The following NUP133 variants were observed in gnomAD, a reference collection of about 807,000 sequenced individuals.
NUP133 encodes the protein nucleoporin 133.
NUP133 carries 66 observed loss-of-function variants against 146.2 expected under a neutral mutation model. The observed-to-expected ratio is 0.45, with a 90% CI of 0.37 to 0.55. The LOEUF (loss-of-function observed/expected upper bound fraction) is 0.55, where lower values mean the gene tolerates loss of function less well. Among genes scored for constraint, NUP133 ranks in the 20% least tolerant of loss-of-function variants. The pLI, the probability that NUP133 is intolerant of heterozygous loss-of-function variation, is 0.00. For synonymous variants in NUP133, 521 were observed against 498.8 expected, an observed-to-expected ratio of 1.04 and a Z score of -0.59; for missense variants, 1,277 against 1,374.8, an observed-to-expected ratio of 0.93 and a Z score of 1.12.
At chr1:229,480,679 T>C (rs1205432311) in intron 12 of NUP133, among the ~76,000 whole-genome samples, 1 of 152,104 alleles carries the variant, frequency 6.6e-6, no homozygotes, top group African/African-American at 2.4e-5. Context: ...AGGGTGCTAA[T>C]GGCATCTAGC....
intron 12 of NUP133, among the ~76,000 whole-genome samples, chr1:229,479,472 G>A (rs1408219364): frequency 6.6e-6 from 1 of 152,154 alleles, no homozygotes; most frequent in Admixed American, 6.5e-5. Context: ...TAGGAAAAAC[G>A]TATATATATG....
chr1:229,470,857 A>T, intron 14 of NUP133, 53 bp from the exon 15 acceptor site: 1 of 1,519,634 alleles, frequency 6.6e-7, no homozygotes, highest in Non-Finnish European at 9.1e-7. Flanking sequence ...TAACATGCAA[A>T]ATACCATAGC....
intron 24 of NUP133, among the ~76,000 whole-genome samples, chr1:229,446,319 G>A (rs1157474783): frequency 6.6e-6 from 1 of 152,144 alleles, no homozygotes; most frequent in Non-Finnish European, 1.5e-5. Context: ...TGAGGTAGGA[G>A]AATCGCTTGA....
Position 229,489,983 on chromosome 1 carries a change from T to C in NUP133, c.1166A>G (p.Glu389Gly), listed in dbSNP as rs779935905. ...GCQMSDAVTV[E>G]VTQYNPPFQS... ...AAAAGGTGGATTATATTGAGTGACT[T>C]CTACAGTAACTGCATCTGACATTTG... Residue 389 changes from glutamate (E) to glycine (G), a missense_variant, in exon 9 of 26, where the codon GAA becomes GGA. By Grantham distance (98) the Glu-to-Gly change is moderately conservative. Coordinates refer to ENST00000261396, the MANE Select transcript of NUP133 (RefSeq NM_018230.3). The C allele has an allele frequency of 3.7e-6, 6 of 1,608,810 alleles. No homozygotes were observed. The highest frequency in any genetic ancestry group is 1.7e-5 in the Admixed American group (1 of 59,262).
intron 19 of NUP133, among the ~76,000 whole-genome samples, chr1:229,461,887 C>CTTT (rs541886278): frequency 4.9e-5 from 7 of 144,138 alleles, no homozygotes; most frequent in African/African-American, 1.8e-4. Context: ...AACTACTGAC[C>CTTT]TTTTTTTTTT....
In NUP133 at chr1:229,495,909, T is replaced by C. The variant is rs770444405; in HGVS notation, c.958A>G (p.Ile320Val). ...TTTCTTACCCAAATAGCATCGGTAA[T>C]GTTTTCCTTCAGGGCTCTATTTATA... ...WDINRALKEN[I>V]TDAIWGSESN... The change falls in exon 7 of 26, where the codon ATT becomes GTT. Residue 320 changes from isoleucine to valine, a missense_variant. Ile to Val is a conservative substitution (Grantham distance 29). Transcript: ENST00000261396. 7 of 1,596,480 alleles carry C rather than the reference T, an allele frequency of 4.4e-6. No homozygotes were observed. The highest frequency in any genetic ancestry group is 5.1e-6 in the Non-Finnish European group (6 of 1,174,606).
At chr1:229,499,644 A>G (rs754197607) in intron 5 of NUP133, 40 bp downstream of exon 5, 6 of 1,565,024 alleles carry the variant, frequency 3.8e-6, no homozygotes, top group Non-Finnish European at 5.2e-6. Flanking sequence ...AAGCCAAATC[A>G]CAGCTTTCCA....
intron 12 of NUP133, among the ~76,000 whole-genome samples, chr1:229,481,591 T>C (rs1422013705): frequency 6.7e-6 from 1 of 150,122 alleles, no homozygotes; most frequent in Non-Finnish European, 1.5e-5. Context: ...ACCTGCTGCT[T>C]GGGAGGCTGA....
At position 229,450,503 on chromosome 1, in the gene NUP133, C is replaced by A. The variant is rs369002482; in HGVS notation, c.3180+22G>T. 3.1e-5 allele frequency: 41 copies of A among 1,319,362 alleles called. No homozygotes were observed. The African/African-American group carries it at 5.9e-4, about 19-fold the overall frequency. 81.7% of individuals were successfully genotyped at this position (1,319,362 alleles called of 1,614,324 possible). Reference sequence around the variant, plus strand: ...ATATATGTATTCAGTTGCCTGAGATCATCTCAAGCAATTTTACTTACCTCA... The same window carrying A: ...ATATATGTATTCAGTTGCCTGAGATAATCTCAAGCAATTTTACTTACCTCA... On this transcript the variant is annotated intron_variant, in intron 23 of 25. Transcript: ENST00000261396.
intron 9 of NUP133, among the ~76,000 whole-genome samples, chr1:229,489,177 T>A (rs566005939): frequency 1.6e-4 from 25 of 152,228 alleles, no homozygotes; most frequent in Non-Finnish European, 2.9e-4. Flanking sequence ...TGGAGTCTCA[T>A]TATGTTGCCT....
intron 14 of NUP133, among the ~76,000 whole-genome samples, chr1:229,475,172 C>T (rs1405290638): frequency 3.3e-5 from 5 of 152,066 alleles, no homozygotes; most frequent in African/African-American, 4.8e-5. Flanking sequence ...CATTTGGCTA[C>T]GTAATATGTC....
chr1:229,474,043 C>T (rs1012777974), intron 14 of NUP133, among the ~76,000 whole-genome samples: 1 of 152,168 alleles, frequency 6.6e-6, no homozygotes, highest in Non-Finnish European at 1.5e-5. Context: ...CTGAGATGAG[C>T]CCTTAAGAAG....
chr1:229,497,990 A>C (rs1661698964), intron 6 of NUP133, 146 bp downstream of exon 6: 2 of 496,226 alleles, frequency 4.0e-6, no homozygotes, highest in Non-Finnish European at 6.8e-6. Context: ...ATTTCATCAT[A>C]ATAAAAATAG....
intron 3 of NUP133, 79 bp from the exon 4 acceptor site, chr1:229,500,942 A>G: frequency 1.2e-6 from 1 of 809,010 alleles, no homozygotes; most frequent in East Asian, 2.7e-5. Context: ...CCTTCTCTGC[A>G]TATTTTAGAT....
At chr1:229,472,513 T>C (rs1293853333) in intron 14 of NUP133, among the ~76,000 whole-genome samples, 26 of 150,366 alleles carry the variant, frequency 1.7e-4, no homozygotes, top group Non-Finnish European at 1.0e-4. Flanking sequence ...ACCTGGGTAA[T>C]GTGTACAAAA....
chr1:229,462,467 A>G (rs981122705), intron 19 of NUP133, among the ~76,000 whole-genome samples: 1 of 152,216 alleles, frequency 6.6e-6, no homozygotes, highest in South Asian at 2.1e-4. Context: ...TCACTTTTAC[A>G]GTAATAAAAA....
At chr1:229,445,072 T>A in intron 24 of NUP133, 70 bp from the exon 25 acceptor site, 1 of 1,136,614 alleles carries the variant, frequency 8.8e-7, no homozygotes, top group Admixed American at 1.9e-5. Context: ...ATTTGTTTGC[T>A]ATCATGGTTT....
chr1:229,464,494 T>C, intron 18 of NUP133, 130 bp downstream of exon 18: 4 of 1,058,050 alleles, frequency 3.8e-6, no homozygotes, highest in Non-Finnish European at 2.7e-6. Flanking sequence ...CACAGAAAGC[T>C]GTGCATATTT....
Position 229,490,636 on chromosome 1 carries a change from G to A in NUP133, c.1047-534C>T, listed in dbSNP as rs552249490. 2.0e-4 allele frequency among the ~76,000 whole-genome samples: 30 copies of A among 152,232 alleles called. No individual in the cohort carries two copies. The South Asian group carries it at 2.9e-3, about 15-fold the overall frequency. On this transcript the variant is annotated intron_variant, in intron 8 of 25. Coordinates refer to ENST00000261396, the MANE Select transcript of NUP133 (RefSeq NM_018230.3). ...AAAACTGTTCTGTATTGATTGTTACGGTTAAATGACTAAATTGTGTATCTG... is the reference window on the plus strand; with the variant it reads ...AAAACTGTTCTGTATTGATTGTTACAGTTAAATGACTAAATTGTGTATCTG...
Sources: gnomAD v4.1 joint callset for allele counts (sites outside exome capture counted in the v4.1 genomes callset) on GRCh38, gnomAD v4.1.1 for gene constraint, MANE v1.5 for transcripts, NCBI Gene and HGNC (gene_info 2026-07-23, HGNC 2026-07-21) for gene names.